Variants in LHFPL3 observed in about 807,000 individuals in gnomAD.
The protein encoded by LHFPL3 is LHFPL tetraspan subfamily member 3 protein.
Under a neutral mutation model 19.3 loss-of-function variants are expected in LHFPL3, and 5 were observed. That is an observed-to-expected ratio of 0.26 (90% CI 0.14 to 0.54). The LOEUF (loss-of-function observed/expected upper bound fraction) is 0.54, where lower values mean the gene tolerates loss of function less well. LHFPL3 is among the 20% of genes least tolerant of loss of function. LHFPL3 has a pLI of 0.94. For missense variants in LHFPL3, 249 were observed against 307.4 expected, an observed-to-expected ratio of 0.81 and a Z score of 1.42; for synonymous variants, 133 against 126.2, an observed-to-expected ratio of 1.05 and a Z score of -0.36.
At chr7:104,691,374 T>A (rs1488256894) in intron 1 of LHFPL3, among the ~76,000 whole-genome samples, 1 of 152,120 alleles carries the variant, frequency 6.6e-6, no homozygotes, top group African/African-American at 2.4e-5. Flanking sequence ...CTATGATCAG[T>A]TGACAGAGGG....
intron 1 of LHFPL3, among the ~76,000 whole-genome samples, chr7:104,558,270 G>T (rs1381882149): frequency 6.6e-6 from 1 of 150,384 alleles, no homozygotes; most frequent in Non-Finnish European, 1.5e-5. Context: ...TTCCACAATG[G>T]TTGAACTAGT....
At position 104,736,780 on chromosome 7, in the gene LHFPL3, G is replaced by C; in HGVS notation, c.551G>C (p.Cys184Ser). ...ACAGACAAGTACACTCTTGGGGCTT[G>C]CTCAGTCCGCTGGGCATACATCCTG... ...EKTDKYTLGA[C>S]SVRWAYILAI... is the part of the protein sequence containing the mutation. The change falls in exon 2 of 3, where the codon TGC (cysteine) becomes TCC (serine). Residue 184 changes from cysteine (C) to serine (S), a missense_variant. Cys to Ser is a moderately radical substitution (Grantham distance 112, BLOSUM62 -1). Coordinates refer to ENST00000424859, the MANE Select transcript of LHFPL3 (RefSeq NM_199000.3). The C allele has an allele frequency of 6.2e-7, 1 of 1,613,596 alleles. No homozygotes were observed. Among genetic ancestry groups the C allele is most frequent in the Non-Finnish European group, 8.5e-7 (1 of 1,179,784 alleles).
At chr7:104,782,062 G>T (rs75009181) in intron 2 of LHFPL3, among the ~76,000 whole-genome samples, 1 of 152,122 alleles carries the variant, frequency 6.6e-6, no homozygotes, top group Non-Finnish European at 1.5e-5. Flanking sequence ...GCAGGGCTCC[G>T]CAGGGCAATT....
intron 1 of LHFPL3, among the ~76,000 whole-genome samples, chr7:104,613,179 C>T (rs1172156077): frequency 2.0e-5 from 3 of 152,106 alleles, no homozygotes; most frequent in Admixed American, 1.3e-4. Flanking sequence ...GGCAAAGTAC[C>T]GTCCTGCTTT....
chr7:104,687,788 C>T (rs970234019), intron 1 of LHFPL3, among the ~76,000 whole-genome samples: 12 of 152,160 alleles, frequency 7.9e-5, no homozygotes, highest in African/African-American at 2.9e-4. Context: ...GCTCTGTAAG[C>T]CTATCTAGAG....
At chr7:104,906,044 A>G (rs1298802022) in intron 2 of LHFPL3, 143 bp from the exon 3 acceptor site, 1 of 756,852 alleles carries the variant, frequency 1.3e-6, no homozygotes, top group African/African-American at 1.7e-5. Context: ...ATTGTTTGGT[A>G]ACAAATGCAA....
At chr7:104,773,428 T>G (rs1448068888) in intron 2 of LHFPL3, among the ~76,000 whole-genome samples, 1 of 152,244 alleles carries the variant, frequency 6.6e-6, no homozygotes, top group Non-Finnish European at 1.5e-5. Context: ...CCTCCACAGT[T>G]GAGCAAATGT....
chr7:104,453,007 G>A (rs968667265), intron 1 of LHFPL3, among the ~76,000 whole-genome samples: 21 of 152,058 alleles, frequency 1.4e-4, no homozygotes, highest in African/African-American at 4.3e-4. Flanking sequence ...ACCTATACCC[G>A]TGCTTATATA....
At chr7:104,823,448 C>T (rs1228308890) in intron 2 of LHFPL3, among the ~76,000 whole-genome samples, 1 of 152,158 alleles carries the variant, frequency 6.6e-6, no homozygotes, top group African/African-American at 2.4e-5. Context: ...GGTTAATTGC[C>T]TCTGGATGAT....
chr7:104,463,923 C>A (rs752732635), intron 1 of LHFPL3, among the ~76,000 whole-genome samples: 1 of 152,184 alleles, frequency 6.6e-6, no homozygotes, highest in Admixed American at 6.5e-5. Flanking sequence ...TCCAACAGTC[C>A]CCTAAAGTCT....
At chr7:104,773,310 A>C (rs1391089977) in intron 2 of LHFPL3, among the ~76,000 whole-genome samples, 1 of 152,190 alleles carries the variant, frequency 6.6e-6, no homozygotes, top group Non-Finnish European at 1.5e-5. Flanking sequence ...TGGAGGAAGG[A>C]CTTCCTGTGC....
At chr7:104,508,125 C>T (rs1347949101) in intron 1 of LHFPL3, among the ~76,000 whole-genome samples, 3 of 151,710 alleles carry the variant, frequency 2.0e-5, no homozygotes, top group Non-Finnish European at 2.9e-5. Context: ...ACCCAAAGGA[C>T]TATAAATCAT....
At chr7:104,442,910 C>T (rs1792254572) in intron 1 of LHFPL3, among the ~76,000 whole-genome samples, 1 of 152,124 alleles carries the variant, frequency 6.6e-6, no homozygotes, top group Non-Finnish European at 1.5e-5. Context: ...AACATAGCTG[C>T]TTTTGATTTT....
intron 2 of LHFPL3, among the ~76,000 whole-genome samples, chr7:104,902,609 A>C (rs1412254292): frequency 6.6e-6 from 1 of 151,816 alleles, no homozygotes; most frequent in African/African-American, 2.4e-5. Context: ...CAACATGGTG[A>C]AACCCCATCT....
intron 2 of LHFPL3, among the ~76,000 whole-genome samples, chr7:104,840,064 AATT>A (rs1368623574): frequency 2.6e-5 from 4 of 151,966 alleles, no homozygotes; most frequent in Non-Finnish European, 5.9e-5. Context: ...TATTAAGTAT[AATT>A]ATTAATGATG....
chr7:104,583,085 C>G (rs1790492468), intron 1 of LHFPL3, among the ~76,000 whole-genome samples: 1 of 151,434 alleles, frequency 6.6e-6, no homozygotes, highest in African/African-American at 2.4e-5. Flanking sequence ...GTTACTGTAA[C>G]CAGCATGGTG....
intron 1 of LHFPL3, among the ~76,000 whole-genome samples, chr7:104,475,523 T>C (rs1792992400): frequency 6.6e-6 from 1 of 152,200 alleles, no homozygotes; most frequent in South Asian, 2.1e-4. Flanking sequence ...GGGTCTGTTG[T>C]GTAACAATAT....
At chr7:104,540,564 G>A (rs543934428) in intron 1 of LHFPL3, among the ~76,000 whole-genome samples, 4 of 152,252 alleles carry the variant, frequency 2.6e-5, no homozygotes, top group African/African-American at 9.6e-5. Context: ...AAAATAACAG[G>A]GAACTGCTAT....
intron 1 of LHFPL3, among the ~76,000 whole-genome samples, chr7:104,626,861 T>G (rs1791555019): frequency 1.3e-5 from 2 of 152,210 alleles, no homozygotes; most frequent in Admixed American, 1.3e-4. Context: ...TGTTATTATT[T>G]TTCTCAATTG....
Sources: allele counts gnomAD v4.1 joint callset (sites outside exome capture counted in the v4.1 genomes callset), GRCh38; gene constraint gnomAD v4.1.1; transcripts MANE v1.5; gene names NCBI Gene and HGNC (gene_info 2026-07-23, HGNC 2026-07-21).